CCDC93: variants seen among roughly 807,000 people sequenced by gnomAD.
CCDC93 encodes CCC complex scaffolding subunit CCDC93, also known as coiled-coil domain-containing protein 93.
In CCDC93, 61 loss-of-function variants were observed where a neutral mutation model predicts 108.2. The ratio of observed to expected loss-of-function variants is 0.56; its 90% CI spans 0.46 to 0.70. The LOEUF (loss-of-function observed/expected upper bound fraction) is 0.70. Ranked by LOEUF, CCDC93 falls within the 30% of genes least tolerant of loss-of-function variation. CCDC93 has a pLI of 0.00. For missense variants in CCDC93, 685 were observed against 764.2 expected (o/e 0.90, Z 1.22); for synonymous variants, 276 against 260.4 (o/e 1.06, Z -0.58).
chr2:117,965,425 C>T (rs549679047), intron 11 of CCDC93, among the ~76,000 whole-genome samples: 10 of 152,238 alleles, frequency 6.6e-5, no homozygotes, highest in African/African-American at 2.4e-4. Context: ...CTGTTACTTT[C>T]TGGCCCAGGC....
rs2104735896 is a variant in CCDC93, at chr2:117,945,541, T to C, written c.1338A>G (p.Ala446=). ...SGEPPGTLTS[A]MTHDEDLDRR... ...GGCAGGTACTTACGTCATGAGTCAT[T>C]GCAGAGGTCAAGGTACCAGGCGGCT... The change falls in exon 17 of 24, where the codon GCA becomes GCG. Residue 446 remains alanine, a synonymous_variant. Transcript: ENST00000376300. 6.2e-7 allele frequency: 1 copy of C among 1,613,972 alleles called. No individual in the cohort carries two copies.
At chr2:118,004,333 T>C (rs981073976) in intron 3 of CCDC93, among the ~76,000 whole-genome samples, 2 of 152,248 alleles carry the variant, frequency 1.3e-5, no homozygotes, top group African/African-American at 4.8e-5. Context: ...TAGGACCCTC[T>C]GTTAATGGGG....
chr2:117,963,479 A>T (rs1418647620), intron 11 of CCDC93, among the ~76,000 whole-genome samples: 2 of 152,236 alleles, frequency 1.3e-5, no homozygotes, highest in Non-Finnish European at 2.9e-5. Flanking sequence ...GATAGGAGGG[A>T]ATCATCCACT....
At chr2:117,923,378 G>A (rs1417265279) in intron 23 of CCDC93, among the ~76,000 whole-genome samples, 1 of 152,196 alleles carries the variant, frequency 6.6e-6, no homozygotes, top group Admixed American at 6.5e-5. Flanking sequence ...AAAGAAAGGG[G>A]TGACAGATGG....
intron 1 of CCDC93, among the ~76,000 whole-genome samples, chr2:118,011,929 C>T (rs545978422): frequency 6.6e-6 from 1 of 152,200 alleles, no homozygotes; most frequent in Non-Finnish European, 1.5e-5. Context: ...GAATGAAAGA[C>T]CCTCTCTTGA....
intron 21 of CCDC93, 42 bp downstream of exon 21, chr2:117,936,660 G>T (rs200277176): frequency 2.4e-5 from 37 of 1,549,222 alleles, no homozygotes; most frequent in Non-Finnish European, 1.8e-6. Flanking sequence ...CAAAGCGCAG[G>T]CCGGCAGGGT....
intron 23 of CCDC93, among the ~76,000 whole-genome samples, chr2:117,925,579 G>A (rs374859234): frequency 2.6e-5 from 4 of 152,178 alleles, no homozygotes; most frequent in East Asian, 3.9e-4. Flanking sequence ...TAACTATCCT[G>A]AATATATATG....
rs1679242046 is a variant in CCDC93 at position 117,956,994 on chromosome 2, A to ATTCTCCTGCCTTCAAGCG, written c.1005+1370_1005+1371insCGCTTGAAGGCAGGAGAA. On this transcript the variant is annotated intron_variant, in intron 12 of 23. Transcript: ENST00000376300. ...CAACCTCCGCCTCCTGGTTTCAAGC[A>ATTCTCCTGCCTTCAAGCG]ATTCTCCTGCCTCAGCCTCCTGAGT... 4.6e-5 allele frequency among the ~76,000 whole-genome samples: 7 copies of ATTCTCCTGCCTTCAAGCG among 151,942 alleles called. No homozygotes were observed. The East Asian group carries it at 1.4e-3, about 30-fold the overall frequency.
chr2:117,979,491 T>A (rs532929941), intron 7 of CCDC93, among the ~76,000 whole-genome samples: 1 of 152,382 alleles, frequency 6.6e-6, no homozygotes, highest in African/African-American at 2.4e-5. Flanking sequence ...TACATGCAAC[T>A]GTTACTTATC....
In CCDC93 at chr2:117,923,676, G is replaced by GCCTC. The variant is rs1358667416; in HGVS notation, c.1843-3281_1843-3280insGAGG. On this transcript the variant is annotated intron_variant, in intron 23 of 23. Transcript: ENST00000376300. The stretch of plus-strand genomic sequence containing the variant: ...AGGAGGCCTGCCTGCCTGCCTGCCT[G>GCCTC]CCTGCCTCTATAGAGTCCACCTCTG... 9.1e-5 allele frequency among the ~76,000 whole-genome samples: 9 copies of GCCTC among 99,122 alleles called. No individual in the cohort carries two copies. The South Asian group carries it at 1.1e-3, about 12-fold the overall frequency. 65.0% of individuals were successfully genotyped at this position (99,122 alleles called of 152,430 possible). A position where few individuals can be genotyped will look rare whatever the true frequency, so the allele number is the denominator to read the frequency against.
intron 1 of CCDC93, among the ~76,000 whole-genome samples, chr2:118,011,469 C>T (rs984802099): frequency 1.3e-5 from 2 of 152,052 alleles, no homozygotes; most frequent in African/African-American, 4.8e-5. Context: ...TCTCTCCCTT[C>T]TGCAAAAAAT....
At chr2:117,989,756 C>G (rs1402612205) in intron 6 of CCDC93, among the ~76,000 whole-genome samples, 8 of 152,146 alleles carry the variant, frequency 5.3e-5, no homozygotes, top group African/African-American at 1.9e-4. Context: ...TTAATAGTAC[C>G]TGACATATAG....
Position 117,973,908 on chromosome 2 carries a change from C to T in CCDC93, c.888G>A (p.Lys296=), listed in dbSNP as rs763123065. The T allele has an allele frequency of 6.2e-7, 1 of 1,609,036 alleles. No individual in the cohort carries two copies. The highest frequency in any genetic ancestry group is 1.1e-5 in the South Asian group (1 of 90,098). Residue 296 remains lysine (K), a splice_region_variant and synonymous_variant, in exon 11 of 24, where the codon AAG becomes AAA. Transcript: ENST00000376300. ...AGACTCCAGCTGGGCCCCCACCTAC[C>T]TTCTCTGCATACTCGGACACAATCT... ...IKQIVSEYAE[K]QSELSAEESP...
intron 7 of CCDC93, among the ~76,000 whole-genome samples, chr2:117,983,739 C>A (rs1449829815): frequency 2.1e-5 from 3 of 140,244 alleles, no homozygotes; most frequent in African/African-American, 8.2e-5. Context: ...TGAACAGAAC[C>A]TAGAGGAAAC....
At chr2:118,008,068 C>A (rs1374648654) in intron 2 of CCDC93, among the ~76,000 whole-genome samples, 1 of 152,198 alleles carries the variant, frequency 6.6e-6, no homozygotes, top group Non-Finnish European at 1.5e-5. Context: ...GTCCTCAACA[C>A]CTATTACTAT....
Position 117,985,975 on chromosome 2 carries a change from T to C in CCDC93, c.614A>G (p.Tyr205Cys). ...ESRIHATLLEYGRRYGFSRQS... is the reference protein window; with the variant it reads ...ESRIHATLLECGRRYGFSRQS... ...ACTGGGTCCCACTCATTACCTGCCA[T>C]ATTCCAAAAGTGTAGCATGGATTCG... is the stretch of plus-strand genomic sequence containing the variant. Residue 205 changes from tyrosine (Y) to cysteine (C), a missense_variant, in exon 7 of 24, where the codon TAT becomes TGT. Tyr to Cys is a radical substitution (Grantham distance 194). Coordinates refer to ENST00000376300, the MANE Select transcript of CCDC93 (RefSeq NM_019044.5). 4 of 1,604,622 alleles carry C rather than the reference T, an allele frequency of 2.5e-6. No individual in the cohort carries two copies. The highest frequency in any genetic ancestry group is 3.4e-6 in the Non-Finnish European group (4 of 1,171,744).
chr2:117,931,260 T>A, intron 22 of CCDC93, 110 bp from the exon 23 acceptor site: 1 of 690,308 alleles, frequency 1.4e-6, no homozygotes, highest in Non-Finnish European at 2.5e-6. Flanking sequence ...TTCCTTACAG[T>A]AGAGGAAGCT....
At chr2:117,997,704 G>C (rs1247977864) in intron 4 of CCDC93, 1 of 152,264 alleles carries the variant, frequency 6.6e-6, no homozygotes, top group Non-Finnish European at 1.5e-5. Flanking sequence ...CTAAAATCCA[G>C]AAGCAGAGAC....
At chr2:117,938,555 GA>G (rs36126432) in intron 20 of CCDC93, among the ~76,000 whole-genome samples, 63,454 of 138,078 alleles carry the variant, frequency 0.46, 14,721 homozygotes, top group African/African-American at 0.56. Context: ...AAAAAGACAA[GA>G]AAAAAAAAAA....
Sources: gnomAD v4.1 joint callset for allele counts (sites outside exome capture counted in the v4.1 genomes callset) on GRCh38, gnomAD v4.1.1 for gene constraint, MANE v1.5 for transcripts, NCBI Gene and HGNC (gene_info 2026-07-23, HGNC 2026-07-21) for gene names.